ATRN: variants seen among roughly 807,000 people sequenced by gnomAD.
ATRN encodes the protein attractin.
A neutral mutation model predicts 178.7 loss-of-function variants in ATRN; 54 were observed. The ratio of observed to expected loss-of-function variants is 0.30; its 90% confidence interval spans 0.24 to 0.38. The LOEUF (loss-of-function observed/expected upper bound fraction) is 0.38, where lower values mean the gene tolerates loss of function less well. Ranked by LOEUF, ATRN falls within the 10% of genes least tolerant of loss-of-function variation. The pLI, the probability that ATRN is intolerant of heterozygous loss-of-function variation, is 1.00. For missense variants in ATRN, 1,443 were observed against 1,815.1 expected (o/e 0.79, Z 3.73); for synonymous variants, 636 against 663.0 (o/e 0.96, Z 0.63).
At chr20:3,596,150 A>G (rs777684345) in intron 20 of ATRN, among the ~76,000 whole-genome samples, 13 of 152,214 alleles carry the variant, frequency 8.5e-5, no homozygotes, top group Non-Finnish European at 1.5e-4. Context: ...GCTTTGGCAA[A>G]TGCTTGTCAA....
chr20:3,483,158 TA>T (rs2084644709), intron 1 of ATRN, among the ~76,000 whole-genome samples: 1 of 152,218 alleles, frequency 6.6e-6, no homozygotes, highest in African/African-American at 2.4e-5. Context: ...AACAATATCT[TA>T]TTCCCAAAAA....
intron 8 of ATRN, 141 bp from the exon 9 acceptor site, chr20:3,562,135 C>T (rs1338777368): frequency 2.8e-6 from 2 of 711,660 alleles, no homozygotes; most frequent in Non-Finnish European, 4.6e-6. Flanking sequence ...TTTTAGGTGG[C>T]TTTCTTTAAA....
chr20:3,581,725 A>C (rs2086284722), intron 15 of ATRN, among the ~76,000 whole-genome samples: 1 of 152,194 alleles, frequency 6.6e-6, no homozygotes, highest in Non-Finnish European at 1.5e-5. Context: ...CTTCATATAG[A>C]CATTTCAGAA....
At chr20:3,511,730 G>A (rs1044540111) in intron 1 of ATRN, among the ~76,000 whole-genome samples, 4 of 152,034 alleles carry the variant, frequency 2.6e-5, no homozygotes, top group Non-Finnish European at 5.9e-5. Flanking sequence ...GATCAACAAC[G>A]AAGAAAGACA....
At chr20:3,541,076 ATTT>A (rs1331876349) in intron 3 of ATRN, among the ~76,000 whole-genome samples, 23 of 119,022 alleles carry the variant, frequency 1.9e-4, no homozygotes, top group African/African-American at 6.6e-4. Flanking sequence ...ATGATAGAGG[ATTT>A]TTTTTTTTTT....
intron 1 of ATRN, among the ~76,000 whole-genome samples, chr20:3,479,925 G>A (rs1158956174): frequency 2.0e-5 from 3 of 152,086 alleles, no homozygotes; most frequent in Non-Finnish European, 4.4e-5. Flanking sequence ...TGACATCATC[G>A]TAACTTTGTT....
intron 11 of ATRN, among the ~76,000 whole-genome samples, chr20:3,566,919 A>AAC (rs2086044643): frequency 6.6e-6 from 1 of 151,598 alleles, no homozygotes; most frequent in African/African-American, 2.4e-5. Context: ...AAAAAAAAAA[A>AAC]AAAAAGGAAA....
At chr20:3,490,720 T>G (rs377765515) in intron 1 of ATRN, 4 of 797,274 alleles carry the variant, frequency 5.0e-6, no homozygotes, top group Non-Finnish European at 9.2e-6. Context: ...CAGATCTCAT[T>G]TGGGTGCTTC....
intron 24 of ATRN, among the ~76,000 whole-genome samples, chr20:3,616,683 T>G (rs1009984613): frequency 2.0e-4 from 31 of 152,072 alleles, no homozygotes; most frequent in Admixed American, 1.6e-3. Context: ...TGAGATGTTT[T>G]AGGCCGAAAA....
chr20:3,569,443 A>G (rs2086085145), intron 11 of ATRN, among the ~76,000 whole-genome samples: 1 of 152,206 alleles, frequency 6.6e-6, no homozygotes, highest in Non-Finnish European at 1.5e-5. Context: ...AATATAAAAG[A>G]TAAAAAAATG....
At chr20:3,560,975 C>G in intron 8 of ATRN, 70 bp downstream of exon 8, 5 of 1,553,472 alleles carry the variant, frequency 3.2e-6, no homozygotes, top group Non-Finnish European at 4.4e-6. Flanking sequence ...ATTATTTTGA[C>G]TGTTTAGAAA....
rs6051984 is a variant in ATRN, at chr20:3,628,070, G to A, written c.3863+3498G>A. Among the ~76,000 whole-genome samples the A allele has an allele frequency of 8.5e-5, 13 of 152,288 alleles. 1 individual carries two copies. The highest frequency in any genetic ancestry group is 3.1e-4 in the African/African-American group (13 of 41,554). On this transcript the variant is annotated intron_variant, in intron 25 of 28. Coordinates refer to ENST00000262919, the MANE Select transcript of ATRN (RefSeq NM_139321.3). Reference sequence around the variant, plus strand: ...GCCTATAATCCCAGCTACTCGGGAGGCTGAGACAGGAGAATGGCGTGAACC... The same window carrying A: ...GCCTATAATCCCAGCTACTCGGGAGACTGAGACAGGAGAATGGCGTGAACC...
At chr20:3,544,872 C>CACAACAAACATTTAGAATCT (rs1568719679) in intron 3 of ATRN, among the ~76,000 whole-genome samples, 1 of 150,328 alleles carries the variant, frequency 6.7e-6, no homozygotes, top group African/African-American at 2.5e-5. Context: ...ATTTAGAATC[C>CACAACAAACATTTAGAATCT]GTCATGTGCT....
chr20:3,557,753 C>A (rs778881411), intron 6 of ATRN, among the ~76,000 whole-genome samples: 2 of 152,122 alleles, frequency 1.3e-5, no homozygotes, highest in African/African-American at 2.4e-5. Flanking sequence ...AAATGAGAGG[C>A]AATGTGAGTG....
chr20:3,589,136 C>T (rs974631201), intron 18 of ATRN, among the ~76,000 whole-genome samples: 1 of 151,856 alleles, frequency 6.6e-6, no homozygotes, highest in Non-Finnish European at 1.5e-5. Context: ...GCGCACGCCA[C>T]CACTCCTAGC....
intron 1 of ATRN, among the ~76,000 whole-genome samples, chr20:3,478,697 CAT>C (rs574551559): frequency 1.9e-3 from 288 of 152,242 alleles, no homozygotes; most frequent in Non-Finnish European, 3.6e-3. Context: ...AAAACAAAAA[CAT>C]GTGTCTCTTA....
intron 8 of ATRN, among the ~76,000 whole-genome samples, chr20:3,561,139 AT>A (rs2085947309): frequency 1.3e-5 from 2 of 152,138 alleles, no homozygotes; most frequent in Non-Finnish European, 2.9e-5. Context: ...TGGCACCAAC[AT>A]GGTGAAACCC....
intron 1 of ATRN, among the ~76,000 whole-genome samples, chr20:3,503,360 T>A (rs2146112122): frequency 6.6e-6 from 1 of 152,184 alleles, no homozygotes; most frequent in East Asian, 1.9e-4. Flanking sequence ...AAACCACAAA[T>A]TGAATCAGAA....
intron 12 of ATRN, 134 bp from the exon 13 acceptor site, chr20:3,575,693 C>T (rs1031924977): frequency 1.0e-5 from 10 of 990,354 alleles, no homozygotes; most frequent in African/African-American, 1.6e-5. Flanking sequence ...CCAGAACATA[C>T]CAAATATATT....
Sources: allele counts gnomAD v4.1 joint callset (sites outside exome capture counted in the v4.1 genomes callset), GRCh38; gene constraint gnomAD v4.1.1; transcripts MANE v1.5; gene names NCBI Gene and HGNC (gene_info 2026-07-23, HGNC 2026-07-21).